TENM2: variants seen among roughly 807,000 people sequenced by gnomAD.
The protein encoded by TENM2 is teneurin transmembrane protein 2, also known as teneurin-2.
TENM2 carries 52 observed loss-of-function variants against 245.2 expected under a neutral mutation model. The observed-to-expected ratio is 0.21, with a 90% confidence interval of 0.17 to 0.27. The LOEUF is 0.27. Ranked by LOEUF, TENM2 falls within the 10% of genes least tolerant of loss-of-function variation. The pLI is 1.00. For synonymous variants in TENM2, 1,363 were observed against 1,438.9 expected, an observed-to-expected ratio of 0.95 and a Z score of 1.19; for missense variants, 3,046 against 3,666.8, an observed-to-expected ratio of 0.83 and a Z score of 4.37.
chr5:167,592,385 C>T (rs1775938435), intron 2 of TENM2, among the ~76,000 whole-genome samples: 1 of 152,132 alleles, frequency 6.6e-6, no homozygotes, highest in South Asian at 2.1e-4. Context: ...TGGTAAACCC[C>T]TTTATTACTT....
chr5:167,738,179 G>A (rs113481914), intron 2 of TENM2, among the ~76,000 whole-genome samples: 28 of 152,338 alleles, frequency 1.8e-4, no homozygotes, highest in African/African-American at 2.9e-4. Context: ...GATGCTGTGC[G>A]TGACTGCTTG....
chr5:167,867,863 A>G (rs1195305127), intron 2 of TENM2, among the ~76,000 whole-genome samples: 1 of 152,194 alleles, frequency 6.6e-6, no homozygotes, highest in East Asian at 1.9e-4. Flanking sequence ...AACTTCCCCC[A>G]GTGACAATTA....
intron 2 of TENM2, among the ~76,000 whole-genome samples, chr5:167,509,982 A>G (rs1337225287): frequency 1.3e-5 from 2 of 152,196 alleles, no homozygotes; most frequent in African/African-American, 2.4e-5. Context: ...AATGATATGT[A>G]GCTATCATCT....
intron 12 of TENM2, among the ~76,000 whole-genome samples, chr5:168,141,706 A>G: frequency 6.6e-6 from 1 of 152,244 alleles, no homozygotes; most frequent in African/African-American, 2.4e-5. Flanking sequence ...ATTTCTTTAT[A>G]TACCTAAGTG....
chr5:167,825,780 A>G (rs931170580), intron 2 of TENM2, among the ~76,000 whole-genome samples: 6 of 151,702 alleles, frequency 4.0e-5, no homozygotes, highest in Non-Finnish European at 8.8e-5. Flanking sequence ...TGTTGAAGTG[A>G]CTGAGCTCTC....
chr5:167,278,334 T>A, the TENM2 span, among the ~76,000 whole-genome samples: 1 of 152,160 alleles, frequency 6.6e-6, no homozygotes, highest in African/African-American at 2.4e-5. Flanking sequence ...AACTTTCTTA[T>A]TGACACCATA....
intron 2 of TENM2, among the ~76,000 whole-genome samples, chr5:167,803,243 C>T (rs894239495): frequency 4.6e-5 from 7 of 152,172 alleles, no homozygotes; most frequent in Non-Finnish European, 7.4e-5. Flanking sequence ...GCCCCCACTG[C>T]ATTCCTAAAA....
At chr5:166,983,767 A>G in the TENM2 span, among the ~76,000 whole-genome samples, 1 of 152,044 alleles carries the variant, frequency 6.6e-6, no homozygotes, top group African/African-American at 2.4e-5. Context: ...GGTTTCTTTG[A>G]AAGTTGAGAC....
At chr5:167,569,473 G>C (rs1359000501) in intron 2 of TENM2, among the ~76,000 whole-genome samples, 3 of 152,276 alleles carry the variant, frequency 2.0e-5, no homozygotes, top group East Asian at 3.9e-4. Context: ...TGTGGCATAA[G>C]CTAAGTCTGA....
chr5:167,676,309 C>T (rs1756321950), intron 2 of TENM2, among the ~76,000 whole-genome samples: 2 of 152,040 alleles, frequency 1.3e-5, no homozygotes, highest in South Asian at 4.1e-4. Context: ...TAGTCCCCTT[C>T]TTTACTCATT....
At chr5:167,953,872 T>A (rs1228785827) in intron 4 of TENM2, among the ~76,000 whole-genome samples, 1 of 152,196 alleles carries the variant, frequency 6.6e-6, no homozygotes, top group Non-Finnish European at 1.5e-5. Flanking sequence ...TTACCTATAA[T>A]TTTTTTGTTT....
intron 2 of TENM2, among the ~76,000 whole-genome samples, chr5:167,473,629 T>C (rs1263266543): frequency 2.0e-5 from 3 of 152,204 alleles, no homozygotes; most frequent in African/African-American, 4.8e-5. Flanking sequence ...GGTGGTGAGA[T>C]TGAGCAGATC....
At chr5:167,351,125 A>G (rs922170190) in intron 1 of TENM2, among the ~76,000 whole-genome samples, 1 of 109,972 alleles carries the variant, frequency 9.1e-6, no homozygotes, top group Non-Finnish European at 1.9e-5. Flanking sequence ...ATACATATGG[A>G]TATATATATG....
chr5:167,321,829 T>G (rs1756765116), intron 1 of TENM2, among the ~76,000 whole-genome samples: 4 of 63,378 alleles, frequency 6.3e-5, no homozygotes, highest in African/African-American at 6.6e-5. Flanking sequence ...GGGGGGTGGA[T>G]GGAGTCACTC....
chr5:167,603,645 C>T (rs1036229712), intron 2 of TENM2, among the ~76,000 whole-genome samples: 1 of 152,166 alleles, frequency 6.6e-6, no homozygotes, highest in African/African-American at 2.4e-5. Flanking sequence ...TGTGCCACTG[C>T]ATTCCAGCCT....
At chr5:167,141,645 C>G in the TENM2 span, among the ~76,000 whole-genome samples, 52 of 152,168 alleles carry the variant, frequency 3.4e-4, no homozygotes, top group African/African-American at 1.3e-3. Context: ...ATGAATTATT[C>G]TTTTTTATTG....
exon 6 of TENM2, chr5:168,047,501 G>T: frequency 6.4e-7 from 1 of 1,551,720 alleles, no homozygotes; most frequent in Non-Finnish European, 8.7e-7. Flanking sequence ...GATAAGGACC[G>T]GCTTACCAGG....
At chr5:167,374,159 A>G (rs1018798567) in intron 1 of TENM2, among the ~76,000 whole-genome samples, 2 of 152,206 alleles carry the variant, frequency 1.3e-5, no homozygotes, top group Non-Finnish European at 2.9e-5. Context: ...CCAATGATGG[A>G]CCACATATAC....
chr5:167,191,687 G>T, the TENM2 span, among the ~76,000 whole-genome samples: 1 of 152,050 alleles, frequency 6.6e-6, no homozygotes, highest in African/African-American at 2.4e-5. Flanking sequence ...GGATACCACT[G>T]CATGAGACTA....
Sources: allele counts gnomAD v4.1 joint callset (sites outside exome capture counted in the v4.1 genomes callset), GRCh38; gene constraint gnomAD v4.1.1; transcripts MANE v1.5; gene names NCBI Gene and HGNC (gene_info 2026-07-23, HGNC 2026-07-21).